TRPC5: variants seen among roughly 807,000 people sequenced by gnomAD.
The protein encoded by TRPC5 is transient receptor potential cation channel subfamily C member 5.
In TRPC5, 9 loss-of-function variants were observed where a neutral mutation model predicts 56.5. That is an observed-to-expected ratio of 0.16 (90% CI 0.10 to 0.28). The LOEUF is 0.28. TRPC5 is among the 10% of genes least tolerant of loss of function. TRPC5 has a pLI of 1.00. For synonymous variants in TRPC5, 282 were observed against 278.5 expected (o/e 1.01, Z -0.13); for missense variants, 469 against 748.9 (o/e 0.63, Z 4.36).
At chrX:111,975,547 A>G (rs1344407365) in intron 1 of TRPC5, among the ~76,000 whole-genome samples, 1 of 110,837 alleles carries the variant, frequency 9.0e-6, no homozygotes, top group Non-Finnish European at 1.9e-5. Flanking sequence ...ATTTACATTA[A>G]GTATTTCTCC....
chrX:112,036,705 G>A (rs1929751060), intron 1 of TRPC5, among the ~76,000 whole-genome samples: 1 of 111,633 alleles, frequency 9.0e-6, no homozygotes, highest in Non-Finnish European at 1.9e-5. Context: ...GTGGAGCAAT[G>A]GGAGTTTGGA....
chrX:112,031,632 A>G (rs1929587235), intron 1 of TRPC5, among the ~76,000 whole-genome samples: 1 of 108,346 alleles, frequency 9.2e-6, no homozygotes, highest in Non-Finnish European at 1.9e-5. Flanking sequence ...ATGGATATAG[A>G]TAATATTATC....
chrX:112,030,837 A>G (rs1221167422), intron 1 of TRPC5, among the ~76,000 whole-genome samples: 1 of 111,811 alleles, frequency 8.9e-6, no homozygotes, highest in Non-Finnish European at 1.9e-5. Context: ...CTGTTATTTG[A>G]CTGAAGAAAA....
rs186786561 is a variant in TRPC5 at position 111,992,811 on chromosome X, C to A, written c.-21-40370G>T. Among the ~76,000 whole-genome samples, 554 of 109,659 alleles carry A rather than the reference C, an allele frequency of 5.1e-3. 4 individuals are homozygous for A. Among genetic ancestry groups the A allele is most frequent in the Admixed American group, 7.8e-3 (79 of 10,180 alleles). ...AGAGACAGGGTTTCACTGTGTTGGC[C>A]AGGCTTGTCTCAAACTCCTGACCTC... On this transcript the variant is annotated intron_variant, in intron 1 of 10. Transcript: ENST00000262839.
At chrX:111,850,261 A>G (rs1168076334) in intron 5 of TRPC5, among the ~76,000 whole-genome samples, 1 of 111,541 alleles carries the variant, frequency 9.0e-6, no homozygotes, top group East Asian at 2.8e-4. Flanking sequence ...GGTCAATCTT[A>G]TATATATTTG....
chrX:111,921,203 T>C (rs775067793), intron 2 of TRPC5, among the ~76,000 whole-genome samples: 9 of 111,453 alleles, frequency 8.1e-5, no homozygotes, highest in Non-Finnish European at 1.3e-4. Flanking sequence ...TACAATGTCG[T>C]TTCATTACAA....
At chrX:111,780,871 TTGAC>T (rs1302345484) in intron 9 of TRPC5, among the ~76,000 whole-genome samples, 1 of 111,841 alleles carries the variant, frequency 8.9e-6, no homozygotes, top group Non-Finnish European at 1.9e-5. Context: ...ACTCTCATAT[TTGAC>T]TGACTGACCA....
At chrX:111,877,923 T>C in intron 3 of TRPC5, among the ~76,000 whole-genome samples, 1 of 111,260 alleles carries the variant, frequency 9.0e-6, no homozygotes, top group East Asian at 2.8e-4. Flanking sequence ...TGAGGGTTGA[T>C]GTAGATTAAT....
intron 6 of TRPC5, 83 bp from the exon 7 acceptor site, chrX:111,835,199 C>T (rs761207117): frequency 9.4e-5 from 81 of 862,584 alleles, no homozygotes; most frequent in Non-Finnish European, 1.3e-4. Flanking sequence ...ATCTGCTTAA[C>T]GAAGGGGCTG....
chrX:111,938,891 G>C (rs1476018562), intron 2 of TRPC5, among the ~76,000 whole-genome samples: 1 of 112,015 alleles, frequency 8.9e-6, no homozygotes. Context: ...CAATCTGGAT[G>C]CCCTTTATTT....
At chrX:111,827,566 C>T (rs1922277836) in intron 7 of TRPC5, among the ~76,000 whole-genome samples, 1 of 111,654 alleles carries the variant, frequency 9.0e-6, no homozygotes, top group African/African-American at 3.3e-5. Flanking sequence ...ACCTGGATGA[C>T]ATTCTTCACT....
chrX:111,992,462 G>A (rs1013842261), intron 1 of TRPC5, among the ~76,000 whole-genome samples: 9 of 111,309 alleles, frequency 8.1e-5, no homozygotes, highest in African/African-American at 2.9e-4. Context: ...AACCCCAGTG[G>A]CTAAGATAAC....
chrX:111,921,309 C>T (rs184135407), intron 2 of TRPC5, among the ~76,000 whole-genome samples: 4 of 111,581 alleles, frequency 3.6e-5, no homozygotes, highest in East Asian at 5.6e-4. Context: ...TTTATAAAAA[C>T]AGTTGACAGG....
At chrX:112,071,248 C>G (rs1930711971) in intron 1 of TRPC5, among the ~76,000 whole-genome samples, 1 of 110,500 alleles carries the variant, frequency 9.0e-6, no homozygotes, top group South Asian at 3.9e-4. Flanking sequence ...GTCAAGGCCG[C>G]TGTGAGCCAT....
At chrX:112,064,837 G>A (rs945371575) in intron 1 of TRPC5, among the ~76,000 whole-genome samples, 1 of 111,629 alleles carries the variant, frequency 9.0e-6, no homozygotes, top group African/African-American at 3.3e-5. Context: ...CACTTTGGGA[G>A]GCTGAGGCGG....
intron 3 of TRPC5, among the ~76,000 whole-genome samples, chrX:111,888,693 CA>C (rs753735549): frequency 0.06 from 653 of 10,917 alleles, 2 homozygotes; most frequent in Middle Eastern, 0.1. Flanking sequence ...GACTCTATCT[CA>C]AAAAAAAAAA....
At chrX:111,955,940 C>T (rs1218610770) in intron 1 of TRPC5, among the ~76,000 whole-genome samples, 1 of 112,227 alleles carries the variant, frequency 8.9e-6, no homozygotes, top group African/African-American at 3.2e-5. Context: ...CCAGTGAACC[C>T]GCTCGCAATG....
chrX:111,786,975 T>TA (rs1204599642), intron 7 of TRPC5, among the ~76,000 whole-genome samples: 1 of 111,167 alleles, frequency 9.0e-6, no homozygotes, highest in Non-Finnish European at 1.9e-5. Context: ...TGGGAGACTT[T>TA]ACACCCCACT....
chrX:112,016,380 TG>T lies in TRPC5; in HGVS notation c.-21-63940del, dbSNP rs777535915. On this transcript the variant is annotated intron_variant, in intron 1 of 10. Transcript: ENST00000262839. ...GTTGGAGTGTGTGTGTGTGTGTGTG[TG>T]TGTGTGTATCTCAAGGAGAGACTGG... is the stretch of plus-strand genomic sequence containing the variant. Among the ~76,000 whole-genome samples, 1,103 of 110,531 alleles carry T rather than the reference TG, an allele frequency of 1.0e-2. 14 individuals carry two copies. Among genetic ancestry groups the T allele is most frequent in the African/African-American group, 0.034 (1,020 of 30,354 alleles).
Sources: allele counts gnomAD v4.1 joint callset (sites outside exome capture counted in the v4.1 genomes callset), GRCh38; gene constraint gnomAD v4.1.1; transcripts MANE v1.5; gene names NCBI Gene and HGNC (gene_info 2026-07-23, HGNC 2026-07-21).